The following PCSK6 variants were observed in gnomAD, a reference collection of about 807,000 sequenced individuals.
PCSK6 encodes proprotein convertase subtilisin/kexin type 6.
A neutral mutation model predicts 123.3 loss-of-function variants in PCSK6; 85 were observed. The observed-to-expected ratio is 0.69, with a 90% CI of 0.58 to 0.83. The LOEUF is 0.83. Among genes scored for constraint, PCSK6 ranks in the 40% least tolerant of loss-of-function variants. The pLI is 0.00. For synonymous variants in PCSK6, 508 were observed against 516.0 expected (o/e 0.98, Z 0.21); for missense variants, 1,191 against 1,282.3 (o/e 0.93, Z 1.09).
chr15:101,399,680 CA>C (rs1374062006), intron 6 of PCSK6, among the ~76,000 whole-genome samples: 2 of 152,302 alleles, frequency 1.3e-5, no homozygotes, highest in Non-Finnish European at 2.9e-5. Flanking sequence ...AACGGGGAAG[CA>C]GGGGGTAATG....
intron 13 of PCSK6, among the ~76,000 whole-genome samples, chr15:101,339,726 T>A (rs2040556450): frequency 6.6e-6 from 1 of 152,090 alleles, no homozygotes; most frequent in Non-Finnish European, 1.5e-5. Context: ...GGCAACATAG[T>A]GAGACTCCGT....
rs565897618 is a variant in PCSK6 at position 101,328,324 on chromosome 15, G to A, written c.2078-1845C>T. On this transcript the variant is annotated intron_variant, in intron 15 of 21. Transcript: ENST00000611716. ...AAGATGAGGGCAGGAGTGCGACAGG[G>A]AGGCGGCAGACCAATCTTTTCACTC... Among the ~76,000 whole-genome samples the A allele has an allele frequency of 4.6e-5, 7 of 152,338 alleles. No individual in the cohort carries two copies. In the South Asian group the frequency reaches 1.5e-3, roughly 32 times the overall value.
At chr15:101,489,183 C>T in intron 1 of PCSK6, among the ~76,000 whole-genome samples, 191 bp downstream of exon 1, 1 of 106,468 alleles carries the variant, frequency 9.4e-6, no homozygotes, top group East Asian at 3.6e-4. Flanking sequence ...CCGAGTGTCC[C>T]GCGCGCGCCC....
chr15:101,379,759 C>CTA (rs1173260361), intron 11 of PCSK6, among the ~76,000 whole-genome samples: 1 of 152,186 alleles, frequency 6.6e-6, no homozygotes, highest in Non-Finnish European at 1.5e-5. Context: ...CCACGTGATC[C>CTA]TAGCAGCTGG....
chr15:101,413,005 T>TGAG (rs925761371), intron 6 of PCSK6, among the ~76,000 whole-genome samples: 36,103 of 105,314 alleles, frequency 0.34, 4,854 homozygotes, highest in East Asian at 0.47. Flanking sequence ...GGAGGAGGAG[T>TGAG]GAGGAGGAGG....
At chr15:101,313,073 A>G in intron 20 of PCSK6, 3 of 1,310,632 alleles carry the variant, frequency 2.3e-6, no homozygotes, top group Non-Finnish European at 3.0e-6. Flanking sequence ...ATGCATGCTG[A>G]GCGCGACATG....
intron 1 of PCSK6, among the ~76,000 whole-genome samples, chr15:101,486,650 G>A (rs2058027649): frequency 6.6e-6 from 1 of 152,178 alleles, no homozygotes; most frequent in African/African-American, 2.4e-5. Flanking sequence ...ATCAGGTGCT[G>A]AAAGGGAGCC....
chr15:101,419,545 T>C (rs1479391761), intron 6 of PCSK6, among the ~76,000 whole-genome samples: 5 of 151,784 alleles, frequency 3.3e-5, no homozygotes, highest in African/African-American at 1.2e-4. Context: ...GGCTTTTTTT[T>C]TTTTAATGGA....
At chr15:101,451,138 C>T (rs1349043618) in intron 1 of PCSK6, among the ~76,000 whole-genome samples, 3 of 151,990 alleles carry the variant, frequency 2.0e-5, no homozygotes, top group Admixed American at 1.3e-4. Context: ...TCTCAGTGGG[C>T]GCTGCCAGCT....
intron 5 of PCSK6, among the ~76,000 whole-genome samples, chr15:101,429,088 G>A (rs1049943358): frequency 6.6e-6 from 1 of 152,180 alleles, no homozygotes; most frequent in Non-Finnish European, 1.5e-5. Context: ...GAATCAAAGC[G>A]ACCACAAACT....
At chr15:101,342,152 A>AAAAAG (rs2040629445) in intron 13 of PCSK6, among the ~76,000 whole-genome samples, 1 of 146,326 alleles carries the variant, frequency 6.8e-6, no homozygotes. Context: ...AAAAAAAAAA[A>AAAAAG]AGAAGATTGC....
intron 6 of PCSK6, among the ~76,000 whole-genome samples, chr15:101,407,989 G>A (rs1007157675): frequency 7.9e-5 from 12 of 152,186 alleles, no homozygotes; most frequent in Admixed American, 3.9e-4. Flanking sequence ...GTTTGACATC[G>A]AGGCTGACCC....
intron 6 of PCSK6, among the ~76,000 whole-genome samples, chr15:101,417,525 T>C (rs1195345562): frequency 6.6e-6 from 1 of 152,192 alleles, no homozygotes; most frequent in Non-Finnish European, 1.5e-5. Context: ...ATAAATCTCT[T>C]CTAAATAACT....
chr15:101,322,952 G>T (rs554004501), intron 17 of PCSK6, among the ~76,000 whole-genome samples: 9 of 152,224 alleles, frequency 5.9e-5, no homozygotes, highest in Non-Finnish European at 1.0e-4. Context: ...TGGGCAGGTG[G>T]GGGGTGGAGA....
rs188517591 is a variant in PCSK6 at position 101,480,214 on chromosome 15, G to A, written c.297+9160C>T. Reference sequence around the variant, plus strand: ...ATGGATTTTCCCAACAAGGACTCTAGAAGTGATGGATGCTGGCCGGTGGCA... The same window carrying A: ...ATGGATTTTCCCAACAAGGACTCTAAAAGTGATGGATGCTGGCCGGTGGCA... On this transcript the variant is annotated intron_variant, in intron 1 of 21. Coordinates refer to ENST00000611716, the MANE Select transcript of PCSK6 (RefSeq NM_002570.5). Among the ~76,000 whole-genome samples, 562 of 152,360 alleles carry A rather than the reference G, an allele frequency of 3.7e-3. 7 individuals carry two copies. The highest frequency in any genetic ancestry group is 0.013 in the African/African-American group (538 of 41,596).
At position 101,332,929 on chromosome 15, in the gene PCSK6, T is replaced by A. The variant is rs1054954039; in HGVS notation, c.1859-898A>T. On this transcript the variant is annotated intron_variant, in intron 13 of 21. Coordinates refer to ENST00000611716, the MANE Select transcript of PCSK6 (RefSeq NM_002570.5). The stretch of plus-strand genomic sequence containing the variant: ...AAACAGTCCCCAATTTATGACAGTT[T>A]GACTTACAATTTTTTGACTTTACAA... Among the ~76,000 whole-genome samples the A allele has an allele frequency of 2.6e-5, 4 of 152,262 alleles. No individual in the cohort carries two copies. In the East Asian group the frequency reaches 7.7e-4, roughly 29 times the overall value.
chr15:101,484,041 ATATACGTGTGTTTATATAT>A (rs745607479), intron 1 of PCSK6, among the ~76,000 whole-genome samples: 4 of 152,228 alleles, frequency 2.6e-5, no homozygotes, highest in Non-Finnish European at 5.9e-5. Context: ...ATATGCGTCA[ATATACGTGTGTTTATATAT>A]TATACGTGTG....
At chr15:101,332,782 GC>G (rs1029186782) in intron 13 of PCSK6, among the ~76,000 whole-genome samples, 4 of 152,114 alleles carry the variant, frequency 2.6e-5, no homozygotes, top group African/African-American at 9.7e-5. Flanking sequence ...CTGGGGTCCC[GC>G]CCCACCGACA....
rs576090300 is a variant in PCSK6, at chr15:101,359,344, C to T, written c.1858+6852G>A. On this transcript the variant is annotated intron_variant, in intron 13 of 21. Coordinates refer to ENST00000611716, the MANE Select transcript of PCSK6 (RefSeq NM_002570.5). ...CTGAAAGCAAAGATCCAGTTTCTACCCACGCTGAGGGGTGGAGATCGACCT... is the reference window on the plus strand; with the variant it reads ...CTGAAAGCAAAGATCCAGTTTCTACTCACGCTGAGGGGTGGAGATCGACCT... Among the ~76,000 whole-genome samples, 3 of 152,342 alleles carry T rather than the reference C, an allele frequency of 2.0e-5. No homozygotes were observed. In the South Asian group the frequency reaches 6.2e-4, roughly 32 times the overall value.
Sources: gnomAD v4.1 joint callset for allele counts (sites outside exome capture counted in the v4.1 genomes callset) on GRCh38, gnomAD v4.1.1 for gene constraint, MANE v1.5 for transcripts, NCBI Gene and HGNC (gene_info 2026-07-23, HGNC 2026-07-21) for gene names.